Variants in AGBL3 observed in about 807,000 individuals in gnomAD.
AGBL3 encodes the protein AGBL carboxypeptidase 3.
In AGBL3, 68 loss-of-function variants were observed where a neutral mutation model predicts 94.5. That is an observed-to-expected ratio of 0.72 (90% CI 0.59 to 0.88). The LOEUF (loss-of-function observed/expected upper bound fraction) is 0.88, where lower values mean the gene tolerates loss of function less well. Among genes scored for constraint, AGBL3 ranks in the 40% least tolerant of loss-of-function variants. The probability of loss-of-function intolerance (pLI) is 0.00; values close to 1 mark genes in which losing one functional copy is unlikely to be tolerated. For missense variants in AGBL3, 934 were observed against 1,103.8 expected (o/e 0.85, Z 2.18); for synonymous variants, 354 against 370.7 (o/e 0.95, Z 0.52).
chr7:134,987,467 C>CT (rs2133345850), intron 1 of AGBL3, among the ~76,000 whole-genome samples: 1 of 152,266 alleles, frequency 6.6e-6, no homozygotes, highest in South Asian at 2.1e-4. Flanking sequence ...GTCACTTGAA[C>CT]TTTTGGTCAA....
chr7:135,133,387 A>G (rs73442136), intron 16 of AGBL3, among the ~76,000 whole-genome samples: 1,821 of 152,334 alleles, frequency 0.012, 39 homozygotes, highest in African/African-American at 0.042. Flanking sequence ...CACGATGCCT[A>G]TCAAAATCCC....
intron 12 of AGBL3, among the ~76,000 whole-genome samples, chr7:135,074,548 C>G (rs1820272101): frequency 6.6e-6 from 1 of 152,140 alleles, no homozygotes; most frequent in African/African-American, 2.4e-5. Flanking sequence ...CTCCCATATT[C>G]TCTGCTGTGC....
intron 5 of AGBL3, among the ~76,000 whole-genome samples, chr7:135,020,577 G>C (rs1182809387): frequency 6.6e-6 from 1 of 152,004 alleles, no homozygotes; most frequent in Non-Finnish European, 1.5e-5. Context: ...CCAAAGGATT[G>C]TAAGTCATGC....
intron 15 of AGBL3, among the ~76,000 whole-genome samples, chr7:135,090,282 C>A (rs371683778): frequency 2.6e-5 from 4 of 152,092 alleles, no homozygotes; most frequent in Non-Finnish European, 5.9e-5. Flanking sequence ...CATCTGGGCC[C>A]TAGAGGGCCC....
intron 11 of AGBL3, among the ~76,000 whole-genome samples, chr7:135,058,773 C>G (rs576644785): frequency 1.3e-5 from 2 of 151,948 alleles, no homozygotes; most frequent in African/African-American, 4.8e-5. Context: ...TTTTCCCCCC[C>G]AAGACAGAGT....
At chr7:135,061,042 C>T (rs547892996) in intron 12 of AGBL3, among the ~76,000 whole-genome samples, 204 of 148,816 alleles carry the variant, frequency 1.4e-3, no homozygotes, top group Admixed American at 3.3e-3. Flanking sequence ...CTTTTCTCCA[C>T]ATCTCCAACA....
At chr7:134,988,906 G>A (rs1809849037) in intron 2 of AGBL3, among the ~76,000 whole-genome samples, 2 of 152,170 alleles carry the variant, frequency 1.3e-5, no homozygotes, top group African/African-American at 4.8e-5. Context: ...CCAAAGTGCT[G>A]GGATTACAGG....
intron 15 of AGBL3, among the ~76,000 whole-genome samples, chr7:135,089,936 A>T (rs972104967): frequency 6.6e-6 from 1 of 152,078 alleles, no homozygotes; most frequent in Admixed American, 6.5e-5. Flanking sequence ...TCTATGGCAG[A>T]GTTGGATGTA....
intron 11 of AGBL3, among the ~76,000 whole-genome samples, chr7:135,047,723 G>C (rs190323722): frequency 6.6e-6 from 1 of 152,048 alleles, no homozygotes; most frequent in African/African-American, 2.4e-5. Context: ...TCAGGTTATA[G>C]GGGTTTTTGC....
intron 8 of AGBL3, among the ~76,000 whole-genome samples, chr7:135,038,100 C>T (rs759523520): frequency 2.6e-5 from 4 of 152,080 alleles, no homozygotes; most frequent in Non-Finnish European, 5.9e-5. Flanking sequence ...ATTGGAGCCT[C>T]ATTTACCAAG....
At chr7:135,074,972 A>C (rs11984389) in intron 12 of AGBL3, among the ~76,000 whole-genome samples, 7,619 of 152,294 alleles carry the variant, frequency 0.05, 258 homozygotes, top group Non-Finnish European at 0.08. Flanking sequence ...AACAGATGAA[A>C]CATAATACCA....
chr7:134,994,983 C>G (rs1205768066), intron 4 of AGBL3, among the ~76,000 whole-genome samples: 3 of 152,208 alleles, frequency 2.0e-5, no homozygotes, highest in Admixed American at 6.5e-5. Context: ...GCTACCACCC[C>G]CTCCAACCTC....
At position 135,134,911 on chromosome 7, in the gene AGBL3, T is replaced by C; in HGVS notation, c.2413T>C (p.Phe805Leu). The C allele has an allele frequency of 6.4e-7, 1 of 1,551,124 alleles. No individual in the cohort carries two copies. The highest frequency in any genetic ancestry group is 2.4e-5 in the East Asian group (1 of 40,898). Residue 805 changes from phenylalanine (F) to leucine (L), a missense_variant, in exon 17 of 17, where the codon TTT becomes CTT. Phe to Leu is a conservative substitution (Grantham distance 22, BLOSUM62 0). Transcript: ENST00000436302. Reference sequence around the variant, plus strand: ...TTGGACAGCACCCAGAAATCACCCTTTTGTAATCCAAGGGGATGTTATGGC... The same window carrying C: ...TTGGACAGCACCCAGAAATCACCCTCTTGTAATCCAAGGGGATGTTATGGC... ...TSWTAPRNHP[F>L]VIQGDVMANS...
At chr7:135,056,451 T>C (rs2116664264) in intron 11 of AGBL3, among the ~76,000 whole-genome samples, 1 of 152,196 alleles carries the variant, frequency 6.6e-6, no homozygotes, top group East Asian at 1.9e-4. Context: ...TTAAATTTAA[T>C]TTAGTTAAAA....
chr7:135,043,554 A>G (rs890549111), intron 8 of AGBL3, among the ~76,000 whole-genome samples: 1 of 152,142 alleles, frequency 6.6e-6, no homozygotes, highest in African/African-American at 2.4e-5. Flanking sequence ...ATAATAATTT[A>G]ATTATACATT....
chr7:135,000,613 A>AT (rs1811596569), intron 4 of AGBL3, among the ~76,000 whole-genome samples: 1 of 152,226 alleles, frequency 6.6e-6, no homozygotes, highest in Non-Finnish European at 1.5e-5. Flanking sequence ...ATATACGCAT[A>AT]TGTGTATATT....
At chr7:135,062,052 T>C (rs1338449295) in intron 12 of AGBL3, among the ~76,000 whole-genome samples, 1 of 152,068 alleles carries the variant, frequency 6.6e-6, no homozygotes, top group Non-Finnish European at 1.5e-5. Flanking sequence ...AGACATTCCA[T>C]GTCTTCTTCC....
chr7:135,083,199 G>A (rs1219360255), intron 15 of AGBL3, among the ~76,000 whole-genome samples: 1 of 151,942 alleles, frequency 6.6e-6, no homozygotes, highest in Non-Finnish European at 1.5e-5. Context: ...CCACTTACCA[G>A]GAGTTCTGTA....
chr7:135,089,021 T>C (rs1821557957), intron 15 of AGBL3, among the ~76,000 whole-genome samples: 1 of 152,096 alleles, frequency 6.6e-6, no homozygotes, highest in Non-Finnish European at 1.5e-5. Flanking sequence ...TTTGTTTGCT[T>C]AATGGTGTCC....
Sources: gnomAD v4.1 joint callset for allele counts (sites outside exome capture counted in the v4.1 genomes callset) on GRCh38, gnomAD v4.1.1 for gene constraint, MANE v1.5 for transcripts, NCBI Gene and HGNC (gene_info 2026-07-23, HGNC 2026-07-21) for gene names.